The following SLC30A6 variants were observed in gnomAD, a reference collection of about 807,000 sequenced individuals.
SLC30A6 encodes zinc transporter 6.
SLC30A6 carries 55 observed loss-of-function variants against 63.0 expected under a neutral mutation model. That is an observed-to-expected ratio of 0.87 (90% CI 0.70 to 1.09). SLC30A6 has a LOEUF of 1.09. Among genes scored for constraint, SLC30A6 ranks in the 50% least tolerant of loss-of-function variants. The probability of loss-of-function intolerance (pLI) is 0.00; values close to 1 mark genes in which losing one functional copy is unlikely to be tolerated. For synonymous variants in SLC30A6, 224 were observed against 186.1 expected, an observed-to-expected ratio of 1.20 and a Z score of -1.66; for missense variants, 587 against 549.2, an observed-to-expected ratio of 1.07 and a Z score of -0.69.
chr2:32,202,564 CT>C (rs1684393008), intron 10 of SLC30A6: 1 of 376,296 alleles, frequency 2.7e-6, no homozygotes, highest in East Asian at 6.9e-5. Context: ...ATCTCCTGAC[CT>C]TGTGATCTGC....
intron 12 of SLC30A6, 50 bp from the exon 13 acceptor site, chr2:32,209,443 G>T: frequency 7.0e-7 from 1 of 1,428,578 alleles, no homozygotes; most frequent in Non-Finnish European, 9.7e-7. Flanking sequence ...AAACTGCATT[G>T]GATATGTTAA....
At chr2:32,167,382 CTTTTT>C (rs11293465) in intron 1 of SLC30A6, among the ~76,000 whole-genome samples, 3 of 132,538 alleles carry the variant, frequency 2.3e-5, no homozygotes, top group Non-Finnish European at 1.6e-5. Flanking sequence ...GCCACAAACT[CTTTTT>C]TTTTTTTTTT....
intron 13 of SLC30A6, among the ~76,000 whole-genome samples, chr2:32,219,821 G>A (rs1033406560): frequency 1.3e-5 from 2 of 152,098 alleles, no homozygotes; most frequent in East Asian, 1.9e-4. Flanking sequence ...TGTGGAATGC[G>A]TCTCTACTTT....
chr2:32,187,656 C>T (rs753012480), intron 5 of SLC30A6, among the ~76,000 whole-genome samples: 10 of 152,200 alleles, frequency 6.6e-5, no homozygotes, highest in East Asian at 5.8e-4. Flanking sequence ...GACAGCTTCA[C>T]ACGGATGTCT....
At chr2:32,181,533 CTA>C (rs1201117007) in intron 4 of SLC30A6, among the ~76,000 whole-genome samples, 1 of 152,062 alleles carries the variant, frequency 6.6e-6, no homozygotes, top group Non-Finnish European at 1.5e-5. Context: ...CAAATCTTAT[CTA>C]TAGAGTATTA....
At chr2:32,199,016 C>T (rs1684039587) in intron 10 of SLC30A6, among the ~76,000 whole-genome samples, 2 of 152,184 alleles carry the variant, frequency 1.3e-5, no homozygotes, top group Non-Finnish European at 2.9e-5. Flanking sequence ...CCCTGGAAAC[C>T]ACCATTCTAG....
chr2:32,215,928 C>T (rs973319217), intron 13 of SLC30A6, among the ~76,000 whole-genome samples: 1 of 152,066 alleles, frequency 6.6e-6, no homozygotes, highest in Non-Finnish European at 1.5e-5. Flanking sequence ...CTTCCTTAAG[C>T]AATCCAACCT....
At position 32,201,145 on chromosome 2, in the gene SLC30A6, A is replaced by C. The variant is rs185851096; in HGVS notation, c.665+3319A>C. Reference sequence around the variant, plus strand: ...GTAGACATTTCTGCCTTAGTGCCCAAAGTGCTTCATTATGTTTTTCACATG... The same window carrying C: ...GTAGACATTTCTGCCTTAGTGCCCACAGTGCTTCATTATGTTTTTCACATG... On this transcript the variant is annotated intron_variant, in intron 10 of 13. Transcript: ENST00000282587. 2.6e-3 allele frequency among the ~76,000 whole-genome samples: 400 copies of C among 152,278 alleles called. 5 individuals carry two copies. The highest frequency in any genetic ancestry group is 9.0e-3 in the African/African-American group (376 of 41,556).
At chr2:32,170,265 C>T (rs762356284) in intron 1 of SLC30A6, among the ~76,000 whole-genome samples, 5 of 152,076 alleles carry the variant, frequency 3.3e-5, no homozygotes, top group South Asian at 2.1e-4. Context: ...TAAGGAGTAA[C>T]GGTAAGGGTG....
At position 32,175,364 on chromosome 2, in the gene SLC30A6, A is replaced by C. The variant is rs371461251; in HGVS notation, c.218+3A>C. On this transcript the variant is annotated splice_donor_region_variant and intron_variant, in intron 4 of 13. Coordinates refer to ENST00000282587, the MANE Select transcript of SLC30A6 (RefSeq NM_017964.5). Reference sequence around the variant, plus strand: ...CTGACCATTTTTGATCTTTTTAGGTAAGTTTTTAGGAAATCTTAATGTTTT... The same window carrying C: ...CTGACCATTTTTGATCTTTTTAGGTCAGTTTTTAGGAAATCTTAATGTTTT... 6.2e-7 allele frequency: 1 copy of C among 1,610,710 alleles called. No homozygotes were observed. The highest frequency in any genetic ancestry group is 8.5e-7 in the Non-Finnish European group (1 of 1,178,982).
chr2:32,165,934 C>T (rs1216096570), intron 1 of SLC30A6, 31 bp downstream of exon 1: 1 of 1,614,154 alleles, frequency 6.2e-7, no homozygotes. Flanking sequence ...AGGGTTTCGG[C>T]TGTAGCTGAT....
rs1410709347 is a variant in SLC30A6 at position 32,206,894 on chromosome 2, A to C, written c.777A>C (p.Pro259=). 2 of 1,611,736 alleles carry C rather than the reference A, an allele frequency of 1.2e-6. No homozygotes were observed. Among genetic ancestry groups the C allele is most frequent in the Non-Finnish European group, 1.7e-6 (2 of 1,177,976 alleles). The change falls in exon 12 of 14, where the codon CCA becomes CCC. Residue 259 remains proline (P), a synonymous_variant. Coordinates refer to ENST00000282587, the MANE Select transcript of SLC30A6 (RefSeq NM_017964.5). ...ATTGTATTTTTCCCCAGACAACACC[A>C]CCCCATGTTATTGGTCAGTTGGACA... ...YSGKVLLQTT[P]PHVIGQLDKL...
At chr2:32,175,164 C>G (rs1381812611) in intron 3 of SLC30A6, among the ~76,000 whole-genome samples, 155 bp from the exon 4 acceptor site, 1 of 152,082 alleles carries the variant, frequency 6.6e-6, no homozygotes, top group Admixed American at 6.6e-5. Context: ...ATATATTTAT[C>G]AGATTTACTA....
intron 1 of SLC30A6, among the ~76,000 whole-genome samples, chr2:32,166,848 A>T (rs1377524440): frequency 1.3e-5 from 2 of 152,230 alleles, no homozygotes; most frequent in Non-Finnish European, 2.9e-5. Flanking sequence ...AATGGGTAAA[A>T]GTTTACACTT....
intron 11 of SLC30A6, among the ~76,000 whole-genome samples, chr2:32,206,681 T>C (rs1013223902): frequency 6.6e-6 from 1 of 152,196 alleles, no homozygotes; most frequent in Non-Finnish European, 1.5e-5. Flanking sequence ...TTATCTTATC[T>C]TCAAGATAAA....
chr2:32,197,829 G>A lies in SLC30A6; in HGVS notation c.665+3G>A, dbSNP rs755945712. On this transcript the variant is annotated splice_donor_region_variant and intron_variant, in intron 10 of 13. Transcript: ENST00000282587. ...ACATATATGCTCATTGAAATTAAGT[G>A]AGTATTTTTTATTGTTGTCAAGTAT... The A allele has an allele frequency of 6.2e-7, 1 of 1,613,230 alleles. No individual in the cohort carries two copies. The highest frequency in any genetic ancestry group is 1.3e-5 in the African/African-American group (1 of 75,006).
intron 4 of SLC30A6, among the ~76,000 whole-genome samples, chr2:32,178,276 G>A (rs995354662): frequency 6.6e-6 from 1 of 151,926 alleles, no homozygotes; most frequent in Non-Finnish European, 1.5e-5. Context: ...GTGTGAGATT[G>A]GGGGTTCAGA....
At chr2:32,190,897 G>A (rs1290994341) in intron 5 of SLC30A6, among the ~76,000 whole-genome samples, 1 of 152,128 alleles carries the variant, frequency 6.6e-6, no homozygotes, top group African/African-American at 2.4e-5. Flanking sequence ...TGCTGGGATT[G>A]CATGTGTGAG....
chr2:32,166,189 G>T (rs1680632727), intron 1 of SLC30A6, among the ~76,000 whole-genome samples: 1 of 152,108 alleles, frequency 6.6e-6, no homozygotes, highest in South Asian at 2.1e-4. Context: ...ATTTCTTTAA[G>T]GTAATAAAAG....
Sources: allele counts gnomAD v4.1 joint callset (sites outside exome capture counted in the v4.1 genomes callset), GRCh38; gene constraint gnomAD v4.1.1; transcripts MANE v1.5; gene names NCBI Gene and HGNC (gene_info 2026-07-23, HGNC 2026-07-21).